Variants in STX11 observed in about 807,000 individuals in gnomAD.
STX11 encodes the protein syntaxin-11.
A neutral mutation model predicts 19.9 loss-of-function variants in STX11; 21 were observed. The ratio of observed to expected loss-of-function variants is 1.06; its 90% confidence interval spans 0.75 to 1.52. STX11 has a LOEUF of 1.52. STX11 is among the 40% of genes most tolerant of loss of function. The pLI, the probability that STX11 is intolerant of heterozygous loss-of-function variation, is 0.00. For synonymous variants in STX11, 193 were observed against 174.4 expected (o/e 1.11, Z -0.84); for missense variants, 438 against 405.9 (o/e 1.08, Z -0.68).
upstream of STX11, among the ~76,000 whole-genome samples, chr6:144,148,767 T>C (rs539195396): frequency 6.6e-6 from 1 of 152,356 alleles, no homozygotes; most frequent in South Asian, 2.1e-4. Context: ...TATTTTATTT[T>C]ATTTTTTGTA....
rs1801578216 is a variant in STX11 at position 144,169,699 on chromosome 6, TCCTA to T, written c.-5-16919_-5-16916del. On this transcript the variant is annotated intron_variant, in intron 1 of 1. Coordinates refer to ENST00000367568, the MANE Select transcript of STX11 (RefSeq NM_003764.4). The surrounding 1 kb of genome is among the most constrained non-coding windows in gnomAD (Gnocchi z 5.2). The stretch of plus-strand genomic sequence containing the variant: ...TTCCTTCCTTCCTTCTTTCTTTCCT[TCCTA>T]CCTATGAGGTCTTGCTCTGTCACCC... Among the ~76,000 whole-genome samples, 1 of 149,528 alleles carries T rather than the reference TCCTA, an allele frequency of 6.7e-6. No homozygotes were observed. The highest frequency in any genetic ancestry group is 2.2e-4 in the South Asian group (1 of 4,512).
chr6:144,146,127 G>A (rs1304081894), upstream of STX11, among the ~76,000 whole-genome samples: 3 of 152,230 alleles, frequency 2.0e-5, no homozygotes, highest in Non-Finnish European at 2.9e-5. This position sits in a 1 kb window ranked among gnomAD's most constrained non-coding sequence, Gnocchi z 4.4. Flanking sequence ...CACCTCAGAA[G>A]GGTGGCTGTG....
At chr6:144,150,272 G>T (rs1409606583), upstream of STX11, among the ~76,000 whole-genome samples, 1 of 152,242 alleles carries the variant, frequency 6.6e-6, no homozygotes, top group African/African-American at 2.4e-5. Context: ...GAAGTGTCTT[G>T]GGCGGCAAAC....
intron 1 of STX11, among the ~76,000 whole-genome samples, chr6:144,156,049 TCC>T (rs1185702692): frequency 7.6e-5 from 4 of 52,732 alleles, no homozygotes; most frequent in East Asian, 3.9e-4. Context: ...CTTCCTTCCT[TCC>T]CCTCCCCTCC....
At chr6:144,140,238 ATATATATATATATATATTTATT>A in the STX11 span, among the ~76,000 whole-genome samples, 29 of 47,992 alleles carry the variant, frequency 6.0e-4, 1 homozygote, top group African/African-American at 2.8e-3. Flanking sequence ...ATATATATAT[ATATATATATATATATATTTATT>A]TATTTATTTT....
chr6:144,170,000 C>G lies in STX11; in HGVS notation c.-5-16623C>G, dbSNP rs1254465468. Among the ~76,000 whole-genome samples, 1 of 152,164 alleles carries G rather than the reference C, an allele frequency of 6.6e-6. No homozygotes were observed. Among genetic ancestry groups the G allele is most frequent in the East Asian group, 1.9e-4 (1 of 5,194 alleles). On this transcript the variant is annotated intron_variant, in intron 1 of 1. Transcript: ENST00000367568. This position sits in a 1 kb window ranked among gnomAD's most constrained non-coding sequence, Gnocchi z 5.2. The stretch of plus-strand genomic sequence containing the variant: ...GAGTGTTTACTATTTTTTAACTTAA[C>G]TTCTGTTCATCATTTTCAGGATGGA...
chr6:144,166,525 C>CTTTTTTT (rs1174123119), intron 1 of STX11, among the ~76,000 whole-genome samples: 2 of 125,534 alleles, frequency 1.6e-5, no homozygotes, highest in Non-Finnish European at 3.3e-5. Flanking sequence ...CTTTTCTTTC[C>CTTTTTTT]TTTTTTTTTT....
rs148043562 is a variant in STX11 at position 144,186,715 on chromosome 6, C to T, written c.88C>T (p.His30Tyr). The T allele has an allele frequency of 1.2e-6, 2 of 1,614,080 alleles. No individual in the cohort carries two copies. Among genetic ancestry groups the T allele is most frequent in the African/African-American group, 2.7e-5 (2 of 74,932 alleles). Reference sequence around the variant, plus strand: ...CGGGGACGATGAGTTTGACTCGCCCCACGAGGACATCGTGTTCGAGACGGA... The same window carrying T: ...CGGGGACGATGAGTTTGACTCGCCCTACGAGGACATCGTGTTCGAGACGGA... ...PDGDDEFDSP[H>Y]EDIVFETDHI... The change falls in exon 2 of 2, where the codon CAC becomes TAC. Residue 30 changes from histidine to tyrosine, a missense_variant. Transcript: ENST00000367568.
rs747288617 is a variant in STX11, at chr6:144,155,940, A to ATCTT, written c.-6+5309_-6+5312dup. Among the ~76,000 whole-genome samples the ATCTT allele has an allele frequency of 6.6e-3, 794 of 119,728 alleles. 11 individuals are homozygous for ATCTT. Among genetic ancestry groups the ATCTT allele is most frequent in the Admixed American group, 0.011 (124 of 11,398 alleles). 78.5% of individuals were successfully genotyped at this position (119,728 alleles called of 152,430 possible). On this transcript the variant is annotated intron_variant, in intron 1 of 1. Coordinates refer to ENST00000367568, the MANE Select transcript of STX11 (RefSeq NM_003764.4). This position sits in a 1 kb window ranked among gnomAD's most constrained non-coding sequence, Gnocchi z 4.5. ...CTAATTAAATGTGTTTTAAAATTTA[A>ATCTT]TCTTTCTTTCTTTCTTTCTTTCTTT...
rs1272831837 is a variant in STX11 at position 144,180,621 on chromosome 6, C to G, written c.-5-6002C>G. Among the ~76,000 whole-genome samples, 1 of 152,146 alleles carries G rather than the reference C, an allele frequency of 6.6e-6. No individual in the cohort carries two copies. The highest frequency in any genetic ancestry group is 1.5e-5 in the Non-Finnish European group (1 of 68,006). The stretch of plus-strand genomic sequence containing the variant: ...CTCCCACTATGACTCTGGGGCCTCC[C>G]CAGCCATGTGGTACTATAAGTCCAA... On this transcript the variant is annotated intron_variant, in intron 1 of 1. Coordinates refer to ENST00000367568, the MANE Select transcript of STX11 (RefSeq NM_003764.4). This position sits in a 1 kb window ranked among gnomAD's most constrained non-coding sequence, Gnocchi z 5.3.
chr6:144,161,663 C>T (rs374177317), intron 1 of STX11, among the ~76,000 whole-genome samples: 5 of 152,276 alleles, frequency 3.3e-5, no homozygotes, highest in East Asian at 1.9e-4. Context: ...CCACCGCACC[C>T]GGCCGGAAAA....
rs1349141815 is a variant in STX11, at chr6:144,187,211, C to T, written c.584C>T (p.Ala195Val). The change falls in exon 2 of 2, where the codon GCC becomes GTC. Residue 195 changes from alanine to valine, a missense_variant. Physicochemically the swap from Ala to Val is moderately conservative, Grantham distance 64. Coordinates refer to ENST00000367568, the MANE Select transcript of STX11 (RefSeq NM_003764.4). The surrounding 1 kb of genome is among the most constrained non-coding windows in gnomAD (Gnocchi z 5.6). ...KWDVFSENLL[A>V]DVKGARAALN... Reference sequence around the variant, plus strand: ...GACGTGTTTTCCGAGAACTTGCTGGCCGACGTGAAGGGCGCGCGGGCCGCC... The same window carrying T: ...GACGTGTTTTCCGAGAACTTGCTGGTCGACGTGAAGGGCGCGCGGGCCGCC... The T allele has an allele frequency of 1.9e-6, 3 of 1,613,846 alleles. No homozygotes were observed. The highest frequency in any genetic ancestry group is 2.5e-6 in the Non-Finnish European group (3 of 1,179,998).
Position 144,174,567 on chromosome 6 carries a change from C to T in STX11, c.-5-12056C>T, listed in dbSNP as rs1801729680. On this transcript the variant is annotated intron_variant, in intron 1 of 1. Transcript: ENST00000367568. This position sits in a 1 kb window ranked among gnomAD's most constrained non-coding sequence, Gnocchi z 5.3. ...GTGTTTTTGTAGAGCTGGATTTTGC[C>T]CTGTTACCCAGGCTGGTCTTGAACT... Among the ~76,000 whole-genome samples, 1 of 151,908 alleles carries T rather than the reference C, an allele frequency of 6.6e-6. No individual in the cohort carries two copies. The highest frequency in any genetic ancestry group is 1.5e-5 in the Non-Finnish European group (1 of 67,972).
In STX11 at chr6:144,191,103, T is replaced by A. The variant is rs1158916733; in HGVS notation, c.*3612T>A. Reference sequence around the variant, plus strand: ...AGAACAAATCACAAAGAACAATAGATCCTTCAGGAGCTGAAGGTAAGAATC... The same window carrying A: ...AGAACAAATCACAAAGAACAATAGAACCTTCAGGAGCTGAAGGTAAGAATC... On this transcript the variant is annotated 3_prime_UTR_variant, in exon 2 of 2. Transcript: ENST00000367568. Among the ~76,000 whole-genome samples the A allele has an allele frequency of 1.3e-5, 2 of 151,636 alleles. No individual in the cohort carries two copies. The highest frequency in any genetic ancestry group is 2.9e-5 in the Non-Finnish European group (2 of 67,942).
At chr6:144,164,841 C>A (rs2128750052) in intron 1 of STX11, among the ~76,000 whole-genome samples, 1 of 151,900 alleles carries the variant, frequency 6.6e-6, no homozygotes, top group East Asian at 1.9e-4. Flanking sequence ...TTACAGGCAC[C>A]TGCCACTATG....
At chr6:144,145,553 C>A (rs571419918), upstream of STX11, among the ~76,000 whole-genome samples, 1 of 152,224 alleles carries the variant, frequency 6.6e-6, no homozygotes, top group South Asian at 2.1e-4. Context: ...ATATACACAA[C>A]GAGGTACTTT....
At chr6:144,161,401 A>ACT (rs10638169) in intron 1 of STX11, among the ~76,000 whole-genome samples, 24,562 of 151,856 alleles carry the variant, frequency 0.16, 3,839 homozygotes, top group African/African-American at 0.4. Context: ...ACAAAGTCTC[A>ACT]CTGTCGCCCA....
upstream of STX11, among the ~76,000 whole-genome samples, chr6:144,145,857 T>C (rs986508687): frequency 7.9e-5 from 12 of 152,086 alleles, no homozygotes; most frequent in Non-Finnish European, 1.6e-4. Flanking sequence ...GTTGGGAAGA[T>C]AAAAATGTTC....
At chr6:144,186,489 CTTTAGTGCACT>C in intron 1 of STX11, 123 bp from the exon 2 acceptor site, 1 of 1,047,770 alleles carries the variant, frequency 9.5e-7, no homozygotes, top group Non-Finnish European at 1.4e-6. Flanking sequence ...CATTTAGCTC[CTTTAGTGCACT>C]TATTGCCCAC....
Sources: gnomAD v4.1 joint callset for allele counts (sites outside exome capture counted in the v4.1 genomes callset) on GRCh38, gnomAD v4.1.1 for gene constraint, Gnocchi (gnomAD v3.1) non-coding constraint, MANE v1.5 for transcripts, NCBI Gene and HGNC (gene_info 2026-07-23, HGNC 2026-07-21) for gene names.